The following FRYL variants were observed in gnomAD, a reference collection of about 807,000 sequenced individuals.
FRYL encodes the protein FRY like transcription coactivator, also known as protein furry homolog-like.
FRYL carries 150 observed loss-of-function variants against 351.2 expected under a neutral mutation model. That is an observed-to-expected ratio of 0.43 (90% CI 0.37 to 0.49). The LOEUF (loss-of-function observed/expected upper bound fraction) is 0.49. Ranked by LOEUF, FRYL falls within the 20% of genes least tolerant of loss-of-function variation. FRYL has a pLI of 0.00. For synonymous variants in FRYL, 1,153 were observed against 1,257.1 expected, an observed-to-expected ratio of 0.92 and a Z score of 1.75; for missense variants, 3,036 against 3,619.3, an observed-to-expected ratio of 0.84 and a Z score of 4.13.
At chr4:48,732,935 A>AG (rs1466574579) in intron 1 of FRYL, among the ~76,000 whole-genome samples, 1 of 151,472 alleles carries the variant, frequency 6.6e-6, no homozygotes, top group Non-Finnish European at 1.5e-5. Context: ...AATATTAAAA[A>AG]AAAAAAAAGA....
chr4:48,726,066 G>A (rs1286633592), intron 1 of FRYL, among the ~76,000 whole-genome samples: 1 of 152,156 alleles, frequency 6.6e-6, no homozygotes, highest in African/African-American at 2.4e-5. Flanking sequence ...TAATGACCTT[G>A]AAATTCTTAA....
At chr4:48,733,231 T>C (rs1006786826) in intron 1 of FRYL, among the ~76,000 whole-genome samples, 15 of 151,182 alleles carry the variant, frequency 9.9e-5, no homozygotes, top group African/African-American at 3.4e-4. Flanking sequence ...GCCAAGATCA[T>C]GCCACTGCAC....
chr4:48,693,204 C>G (rs562927144), intron 2 of FRYL, among the ~76,000 whole-genome samples: 2 of 152,274 alleles, frequency 1.3e-5, no homozygotes, highest in South Asian at 4.1e-4. Flanking sequence ...TCCATTTAAG[C>G]TATCTCATTT....
intron 11 of FRYL, 95 bp downstream of exon 11, chr4:48,605,646 T>C: frequency 1.2e-6 from 1 of 823,914 alleles, no homozygotes. Flanking sequence ...CAGCTTATTG[T>C]CATGTAAGTA....
intron 53 of FRYL, among the ~76,000 whole-genome samples, chr4:48,527,251 A>AT (rs1726466486): frequency 6.6e-6 from 1 of 152,180 alleles, no homozygotes. Flanking sequence ...GAAGGAAGCC[A>AT]TTTTTTAATT....
intron 37 of FRYL, among the ~76,000 whole-genome samples, chr4:48,551,070 A>C (rs992916336): frequency 2.0e-5 from 3 of 146,708 alleles, no homozygotes; most frequent in African/African-American, 7.4e-5. Flanking sequence ...CATCTCAATA[A>C]AAAAAAAAAA....
chr4:48,587,671 G>A (rs1281251313), intron 18 of FRYL, among the ~76,000 whole-genome samples: 11 of 151,954 alleles, frequency 7.2e-5, no homozygotes, highest in Non-Finnish European at 1.6e-4. Context: ...AGCCTCCCGA[G>A]TAGCTGGGAT....
At chr4:48,576,999 TTC>T (rs1238159410) in intron 23 of FRYL, among the ~76,000 whole-genome samples, 1 of 152,172 alleles carries the variant, frequency 6.6e-6, no homozygotes, top group Non-Finnish European at 1.5e-5. Context: ...ATTAATATAC[TTC>T]TGTGACATTA....
intron 2 of FRYL, among the ~76,000 whole-genome samples, chr4:48,693,306 A>G (rs779498470): frequency 1.3e-5 from 2 of 152,182 alleles, no homozygotes; most frequent in Admixed American, 6.5e-5. Context: ...TTCTTTATCT[A>G]TCTAAAAACG....
intron 3 of FRYL, among the ~76,000 whole-genome samples, chr4:48,669,962 T>G (rs1762385242): frequency 6.6e-6 from 1 of 152,114 alleles, no homozygotes; most frequent in Non-Finnish European, 1.5e-5. Context: ...TTACTTTTAA[T>G]TTTTATGAAT....
chr4:48,670,231 T>G (rs1762427056), intron 3 of FRYL, among the ~76,000 whole-genome samples: 2 of 152,072 alleles, frequency 1.3e-5, no homozygotes, highest in South Asian at 4.2e-4. Context: ...GTCAGGAGTT[T>G]GAGATCAGTC....
intron 1 of FRYL, among the ~76,000 whole-genome samples, chr4:48,757,240 C>T (rs1773888536): frequency 6.6e-6 from 1 of 152,148 alleles, no homozygotes; most frequent in Non-Finnish European, 1.5e-5. Flanking sequence ...GTTGGAAGTT[C>T]TGGCCAGGGC....
At chr4:48,670,435 A>AATATATATATACATATACATATATATAT (rs1762470668) in intron 3 of FRYL, among the ~76,000 whole-genome samples, 1 of 150,638 alleles carries the variant, frequency 6.6e-6, no homozygotes, top group Non-Finnish European at 1.5e-5. Flanking sequence ...TCCATCTCGA[A>AATATATATATACATATACATATATATAT]ATATATATAT....
At chr4:48,691,752 A>G (rs1044846766) in intron 2 of FRYL, among the ~76,000 whole-genome samples, 3 of 152,192 alleles carry the variant, frequency 2.0e-5, no homozygotes, top group Non-Finnish European at 4.4e-5. Context: ...GGTAGCCACT[A>G]TGAATTCATT....
intron 3 of FRYL, among the ~76,000 whole-genome samples, chr4:48,649,345 A>C (rs1391765995): frequency 6.6e-6 from 1 of 152,224 alleles, no homozygotes. Context: ...ACCATATCTT[A>C]TTCACATTTT....
rs1731289880 is a variant in FRYL, at chr4:48,546,162, G to C, written c.5184C>G (p.Ala1728=). The change falls in exon 42 of 64, where the codon GCC becomes GCG. Residue 1728 remains alanine (A), a synonymous_variant. Transcript: ENST00000358350. ...SSISLGNNSA[A]ISHLHTTILN... Reference sequence around the variant, plus strand: ...GGATAGTGGTGTGCAGATGTGAAATGGCAGCACTGTTATTTCCTAAGCTGA... The same window carrying C: ...GGATAGTGGTGTGCAGATGTGAAATCGCAGCACTGTTATTTCCTAAGCTGA... The C allele has an allele frequency of 6.2e-7, 1 of 1,613,636 alleles. No homozygotes were observed. Among genetic ancestry groups the C allele is most frequent in the Non-Finnish European group, 8.5e-7 (1 of 1,179,690 alleles).
intron 32 of FRYL, 144 bp from the exon 33 acceptor site, chr4:48,561,780 AGAGGTGGGAGG>A: frequency 1.7e-6 from 1 of 572,456 alleles, no homozygotes; most frequent in Non-Finnish European, 2.9e-6. Flanking sequence ...TTTGGAAGGC[AGAGGTGGGAGG>A]ATCACTTGAG....
intron 2 of FRYL, among the ~76,000 whole-genome samples, chr4:48,699,953 T>A (rs1004602665): frequency 6.6e-6 from 1 of 152,036 alleles, no homozygotes; most frequent in South Asian, 2.1e-4. Flanking sequence ...TTTATTAGAG[T>A]AAAGCAAAAA....
chr4:48,525,878 T>C (rs1401232386), intron 53 of FRYL, among the ~76,000 whole-genome samples: 1 of 151,972 alleles, frequency 6.6e-6, no homozygotes, highest in Non-Finnish European at 1.5e-5. Context: ...ATGAGTAGTA[T>C]ATGTATATAT....
Sources: gnomAD v4.1 joint callset for allele counts (sites outside exome capture counted in the v4.1 genomes callset) on GRCh38, gnomAD v4.1.1 for gene constraint, MANE v1.5 for transcripts, NCBI Gene and HGNC (gene_info 2026-07-23, HGNC 2026-07-21) for gene names.